Variants in USP32 observed in about 807,000 individuals in gnomAD.
USP32 encodes the protein ubiquitin specific peptidase 32, also known as ubiquitin carboxyl-terminal hydrolase 32.
Under a neutral mutation model 204.8 loss-of-function variants are expected in USP32, and 59 were observed. The observed-to-expected ratio is 0.29, with a 90% CI of 0.23 to 0.36. The LOEUF (loss-of-function observed/expected upper bound fraction) is 0.36, where lower values mean the gene tolerates loss of function less well. USP32 is among the 10% of genes least tolerant of loss of function. USP32 has a pLI of 1.00. For missense variants in USP32, 1,160 were observed against 1,946.4 expected, an observed-to-expected ratio of 0.60 and a Z score of 7.60; for synonymous variants, 517 against 678.4, an observed-to-expected ratio of 0.76 and a Z score of 3.70.
intron 1 of USP32, among the ~76,000 whole-genome samples, chr17:60,356,034 A>AG (rs1398201976): frequency 5.3e-5 from 8 of 152,132 alleles, no homozygotes; most frequent in African/African-American, 1.9e-4. Context: ...CCACTGAAGG[A>AG]GGCAGAATGG....
At chr17:60,334,422 G>A (rs1207033465) in intron 2 of USP32, among the ~76,000 whole-genome samples, 1 of 152,036 alleles carries the variant, frequency 6.6e-6, no homozygotes, top group African/African-American at 2.4e-5. Flanking sequence ...ATGTTTCTAA[G>A]CCATGCGGCT....
At chr17:60,395,441 T>G (rs2089894374), upstream of USP32, among the ~76,000 whole-genome samples, 1 of 152,252 alleles carries the variant, frequency 6.6e-6, no homozygotes, top group African/African-American at 2.4e-5. Flanking sequence ...AAACCCAGAT[T>G]AAAACCTGCA....
chr17:60,386,016 ATAACACACAC>A (rs1446176125), intron 1 of USP32, among the ~76,000 whole-genome samples: 3 of 151,844 alleles, frequency 2.0e-5, no homozygotes, highest in Non-Finnish European at 4.4e-5. Flanking sequence ...CTATTGCTGC[ATAACACACAC>A]ACACACACAC....
chr17:60,402,057 G>A (rs2089939676), intron 1 of USP32, among the ~76,000 whole-genome samples: 1 of 152,076 alleles, frequency 6.6e-6, no homozygotes, highest in South Asian at 2.1e-4. Flanking sequence ...TGAGTGAAAT[G>A]AAAACAAAGG....
In USP32 at chr17:60,329,554, C is replaced by G. The variant is rs572946272; in HGVS notation, c.186+15927G>C. Among the ~76,000 whole-genome samples the G allele has an allele frequency of 6.6e-5, 10 of 151,906 alleles. No homozygotes were observed. In the East Asian group the frequency reaches 1.9e-3, roughly 29 times the overall value. Reference sequence around the variant, plus strand: ...GAACTCCTGGCCTCAAGCATTCCTCCCACTTCAGCCTCCCAAAGTGCTAGG... The same window carrying G: ...GAACTCCTGGCCTCAAGCATTCCTCGCACTTCAGCCTCCCAAAGTGCTAGG... On this transcript the variant is annotated intron_variant, in intron 2 of 33. Transcript: ENST00000300896.
chr17:60,360,024 C>T (rs564496015), intron 1 of USP32, among the ~76,000 whole-genome samples: 6 of 152,166 alleles, frequency 3.9e-5, no homozygotes, highest in African/African-American at 1.2e-4. Flanking sequence ...CCCACCACCA[C>T]ACCTGGCTAA....
Position 60,205,358 on chromosome 17 carries a change from A to G in USP32, c.3249+89T>C, listed in dbSNP as rs3863509. On this transcript the variant is annotated intron_variant, in intron 26 of 33. Coordinates refer to ENST00000300896, the MANE Select transcript of USP32 (RefSeq NM_032582.4). ...ATTAAAGAAAAGAAGAGAAGAAAAT[A>G]CATTCAATGATGTTGCAAAGACAGA... 0.051 allele frequency: 72,574 copies of G among 1,417,002 alleles called. 12,012 individuals are homozygous for G. In the African/African-American group the frequency reaches 0.58, roughly 11 times the overall value. The allele number at this position is 1,417,002 out of a possible 1,614,324, so 87.8% of individuals were successfully genotyped here.
intron 31 of USP32, among the ~76,000 whole-genome samples, chr17:60,182,697 A>G (rs546188903): frequency 6.6e-6 from 1 of 152,260 alleles, no homozygotes; most frequent in African/African-American, 2.4e-5. Flanking sequence ...CAGGAGGTAG[A>G]GGCTGCAGTG....
chr17:60,242,565 C>G (rs1333739478), intron 11 of USP32, among the ~76,000 whole-genome samples: 1 of 152,136 alleles, frequency 6.6e-6, no homozygotes, highest in Non-Finnish European at 1.5e-5. Flanking sequence ...CGTGTGCCAC[C>G]ATGCCTGGCT....
intron 1 of USP32, among the ~76,000 whole-genome samples, chr17:60,349,597 ATATATATAT>A (rs1472842982): frequency 5.2e-5 from 2 of 38,554 alleles, no homozygotes; most frequent in Non-Finnish European, 4.5e-5. Context: ...AAAAAAAAAA[ATATATATAT>A]ATATATATAT....
chr17:60,292,396 G>A (rs1008051975), intron 4 of USP32, among the ~76,000 whole-genome samples: 4 of 152,102 alleles, frequency 2.6e-5, no homozygotes, highest in Admixed American at 6.6e-5. Context: ...CTCCACTTGA[G>A]TGTCTAATAG....
rs1063880 is a variant in USP32, at chr17:60,181,500, A to G, written c.4372T>C (p.Leu1458=). ...ACCTCATGGTCCTGAGGAGTGACCA[A>G]CTCTGGTTGGCTGCCCCCCAGCACA... ...GHVLGGSQPE[L]VTPQDHEVAL... Residue 1458 remains leucine (L), a synonymous_variant, in exon 32 of 34, where the codon TTG becomes CTG. Transcript: ENST00000300896. 2 of 1,613,802 alleles carry G rather than the reference A, an allele frequency of 1.2e-6. No homozygotes were observed. Among genetic ancestry groups the G allele is most frequent in the South Asian group, 1.1e-5 (1 of 91,058 alleles).
chr17:60,310,121 C>T (rs535279803), intron 2 of USP32, among the ~76,000 whole-genome samples: 63 of 152,198 alleles, frequency 4.1e-4, no homozygotes, highest in African/African-American at 1.4e-3. Context: ...AAGGGAAACT[C>T]TTGTACACCA....
chr17:60,218,427 A>T (rs1324722031), intron 16 of USP32, among the ~76,000 whole-genome samples: 2 of 152,170 alleles, frequency 1.3e-5, no homozygotes, highest in African/African-American at 2.4e-5. Flanking sequence ...TCATATATTA[A>T]ATGAATATAA....
intron 1 of USP32, among the ~76,000 whole-genome samples, chr17:60,413,876 G>GAAAAAAAAAAAAAAAA (rs753405307): frequency 1.1e-5 from 1 of 95,142 alleles, no homozygotes; most frequent in Non-Finnish European, 2.1e-5. Context: ...AAAAAAAAAA[G>GAAAAAAAAAAAAAAAA]AAAAAAAAAA....
At chr17:60,252,037 A>G (rs570323169) in intron 11 of USP32, among the ~76,000 whole-genome samples, 1 of 152,194 alleles carries the variant, frequency 6.6e-6, no homozygotes, top group East Asian at 1.9e-4. Context: ...TCTATAAATT[A>G]TCTATAAAAT....
chr17:60,203,216 C>T (rs1013720235), intron 26 of USP32, among the ~76,000 whole-genome samples: 2 of 150,734 alleles, frequency 1.3e-5, no homozygotes, highest in Admixed American at 1.3e-4. Flanking sequence ...TCCTGGCCAA[C>T]ATGGTGAAAC....
Position 60,212,035 on chromosome 17 carries a change from T to C in USP32, c.2168A>G (p.Asp723Gly). Residue 723 changes from aspartate (D) to glycine (G), a missense_variant, in exon 19 of 34, where the codon GAT (aspartate) becomes GGT (glycine). By Grantham distance (94) the Asp-to-Gly change is moderately conservative (BLOSUM62 -1). Transcript: ENST00000300896. ...MSFIANSSKI[D>G]RHKVPTEKGA... is the part of the protein sequence containing the mutation. ...TACTGGAGACTTACCCTTGTGTCTA[T>C]CTATTTTACTACTATTTGCTATAAA... 24 of 1,595,226 alleles carry C rather than the reference T, an allele frequency of 1.5e-5. No homozygotes were observed. Among genetic ancestry groups the C allele is most frequent in the South Asian group, 7.9e-5 (7 of 88,994 alleles).
chr17:60,411,013 CAA>C (rs35556712), intron 1 of USP32, among the ~76,000 whole-genome samples: 2 of 129,392 alleles, frequency 1.5e-5, no homozygotes, highest in African/African-American at 5.9e-5. Context: ...TTCACCTCTA[CAA>C]AAAAAAAAAA....
Sources: gnomAD v4.1 joint callset for allele counts (sites outside exome capture counted in the v4.1 genomes callset) on GRCh38, gnomAD v4.1.1 for gene constraint, MANE v1.5 for transcripts, NCBI Gene and HGNC (gene_info 2026-07-23, HGNC 2026-07-21) for gene names.